MAPRE3: variants seen among roughly 807,000 people sequenced by gnomAD.
The protein encoded by MAPRE3 is microtubule associated protein RP/EB family member 3.
MAPRE3 carries 2 observed loss-of-function variants against 30.5 expected under a neutral mutation model. That is an observed-to-expected ratio of 0.07 (90% CI 0.03 to 0.21). The LOEUF is 0.21. MAPRE3 is among the 10% of genes least tolerant of loss of function. The pLI is 1.00. For missense variants in MAPRE3, 204 were observed against 351.8 expected (o/e 0.58, Z 3.36); for synonymous variants, 110 against 127.7 (o/e 0.86, Z 0.93).
chr2:26,992,471 C>A (rs1261745916), intron 1 of MAPRE3, among the ~76,000 whole-genome samples: 1 of 151,922 alleles, frequency 6.6e-6, no homozygotes, highest in Non-Finnish European at 1.5e-5. Flanking sequence ...GTGATCCACC[C>A]GCCTCAGCCT....
chr2:26,972,535 C>T (rs2148193163), intron 1 of MAPRE3, among the ~76,000 whole-genome samples: 1 of 152,304 alleles, frequency 6.6e-6, no homozygotes, highest in South Asian at 2.1e-4. Context: ...ATGCACCTGC[C>T]TGTGGTGCAG....
At chr2:26,980,321 G>A (rs1303323021) in intron 1 of MAPRE3, among the ~76,000 whole-genome samples, 1 of 152,174 alleles carries the variant, frequency 6.6e-6, no homozygotes, top group African/African-American at 2.4e-5. Flanking sequence ...ATGGCAGCAG[G>A]GAGGGAAAGA....
Position 26,986,633 on chromosome 2 carries a change from G to C in MAPRE3, c.-8+15831G>C, listed in dbSNP as rs183364375. 6.6e-6 allele frequency: 1 copy of C among 152,314 alleles called. No individual in the cohort carries two copies. Among genetic ancestry groups the C allele is most frequent in the Non-Finnish European group, 1.5e-5 (1 of 68,062 alleles). The allele number at this position is 152,314 out of a possible 1,614,324, so 9.4% of individuals were successfully genotyped here. On this transcript the variant is annotated intron_variant, in intron 1 of 6. Transcript: ENST00000233121. The surrounding 1 kb of genome is among the most constrained non-coding windows in gnomAD (Gnocchi z 4.2). ...CCCTGTAAGTTTTCGAGGTGAGAGC[G>C]TGGGGGAGGGTCTTCTACAGCACTC... is the stretch of plus-strand genomic sequence containing the variant.
chr2:27,020,126 G>C (rs768708000), intron 1 of MAPRE3, among the ~76,000 whole-genome samples: 20 of 152,186 alleles, frequency 1.3e-4, no homozygotes, highest in Non-Finnish European at 2.5e-4. Context: ...GAACTTTGGG[G>C]TGGGGACGGC....
At chr2:26,982,511 T>C (rs1364193564) in intron 1 of MAPRE3, among the ~76,000 whole-genome samples, 3 of 152,244 alleles carry the variant, frequency 2.0e-5, no homozygotes, top group East Asian at 3.8e-4. Flanking sequence ...TGCCAGTCCC[T>C]ACCAGGAAGG....
intron 1 of MAPRE3, among the ~76,000 whole-genome samples, chr2:26,976,597 T>C (rs1666019026): frequency 6.6e-6 from 1 of 152,242 alleles, no homozygotes; most frequent in African/African-American, 2.4e-5. Flanking sequence ...ACTGACCAGA[T>C]GTTGTTAGTC....
chr2:26,971,843 G>C (rs897348025), intron 1 of MAPRE3, among the ~76,000 whole-genome samples: 4 of 152,142 alleles, frequency 2.6e-5, no homozygotes, highest in African/African-American at 9.7e-5. Context: ...CCATGGTGTA[G>C]GTGTGAGGCC....
chr2:27,023,033 C>T (rs1667143862), intron 2 of MAPRE3, among the ~76,000 whole-genome samples: 1 of 152,204 alleles, frequency 6.6e-6, no homozygotes, highest in African/African-American at 2.4e-5. Flanking sequence ...CCCTAGGCCT[C>T]AGTTTTCTCA....
At chr2:26,983,670 T>C (rs1666162380) in intron 1 of MAPRE3, among the ~76,000 whole-genome samples, 1 of 152,244 alleles carries the variant, frequency 6.6e-6, no homozygotes, top group South Asian at 2.1e-4. Context: ...GTGGAAATTA[T>C]GTTGCTTGCC....
intron 1 of MAPRE3, among the ~76,000 whole-genome samples, chr2:26,996,615 C>T (rs928490047): frequency 6.6e-6 from 1 of 151,848 alleles, no homozygotes; most frequent in East Asian, 1.9e-4. Context: ...ACAGTGAAAC[C>T]CCGTCTCTAC....
At chr2:26,979,355 G>A (rs564016657) in intron 1 of MAPRE3, among the ~76,000 whole-genome samples, 186 of 152,320 alleles carry the variant, frequency 1.2e-3, no homozygotes, top group Non-Finnish European at 2.3e-3. Context: ...GGAGGCCAAG[G>A]GGGGAGGATC....
At chr2:27,003,108 A>T (rs953621662) in intron 1 of MAPRE3, 1 of 152,404 alleles carries the variant, frequency 6.6e-6, no homozygotes, top group African/African-American at 2.4e-5. Flanking sequence ...TCAACACTCT[A>T]TGAAGTAATT....
At chr2:26,980,198 T>G (rs1666085557) in intron 1 of MAPRE3, among the ~76,000 whole-genome samples, 1 of 152,180 alleles carries the variant, frequency 6.6e-6, no homozygotes, top group African/African-American at 2.4e-5. Flanking sequence ...TTTAAGGATT[T>G]AACTAGAAGG....
chr2:27,013,336 T>C (rs1666903714), intron 1 of MAPRE3: 1 of 152,194 alleles, frequency 6.6e-6, no homozygotes, highest in Non-Finnish European at 1.5e-5. Context: ...CCATGTTATA[T>C]GCATTAGAGG....
intron 1 of MAPRE3, among the ~76,000 whole-genome samples, chr2:27,016,381 CTTTT>C (rs567480969): frequency 2.4e-5 from 3 of 123,050 alleles, no homozygotes; most frequent in South Asian, 5.4e-4. Flanking sequence ...CAGGTTATGT[CTTTT>C]TTTTTTTTTT....
At chr2:26,991,064 T>G (rs568961235) in intron 1 of MAPRE3, among the ~76,000 whole-genome samples, 13 of 152,114 alleles carry the variant, frequency 8.5e-5, no homozygotes, top group Admixed American at 2.6e-4. Context: ...CCATCCTGGC[T>G]AACATGGTGA....
intron 1 of MAPRE3, among the ~76,000 whole-genome samples, chr2:26,988,775 T>C (rs866390018): frequency 2.6e-4 from 39 of 152,192 alleles, no homozygotes; most frequent in African/African-American, 8.4e-4. Context: ...GCCCAAGGAA[T>C]CTGCATTAGT....
In MAPRE3 at chr2:26,996,115, AATTTTATTTT is replaced by A. The variant is rs60224906; in HGVS notation, c.-8+25353_-8+25362del. Reference sequence around the variant, plus strand: ...AACAGATGAGACATTAGAAGATAGGAATTTTATTTTATTTTATTTTATTTTATTTTATTTT... The same window carrying A: ...AACAGATGAGACATTAGAAGATAGGAATTTTATTTTATTTTATTTTATTTT... On this transcript the variant is annotated intron_variant, in intron 1 of 6. Transcript: ENST00000233121. Among the ~76,000 whole-genome samples the A allele has an allele frequency of 8.3e-3, 1,091 of 130,702 alleles. 14 individuals carry two copies. The highest frequency in any genetic ancestry group is 0.024 in the African/African-American group (845 of 34,878). 85.7% of individuals were successfully genotyped at this position (130,702 alleles called of 152,430 possible).
chr2:27,016,528 G>A (rs999200631), intron 1 of MAPRE3, among the ~76,000 whole-genome samples: 1 of 151,894 alleles, frequency 6.6e-6, no homozygotes, highest in Non-Finnish European at 1.5e-5. Context: ...GGGACTACAA[G>A]TGCCCGCCAC....
Sources: gnomAD v4.1 joint callset for allele counts (sites outside exome capture counted in the v4.1 genomes callset) on GRCh38, gnomAD v4.1.1 for gene constraint, Gnocchi (gnomAD v3.1) non-coding constraint, MANE v1.5 for transcripts, NCBI Gene and HGNC (gene_info 2026-07-23, HGNC 2026-07-21) for gene names.